Variants in GRM8 observed in about 807,000 individuals in gnomAD.
The protein encoded by GRM8 is glutamate metabotropic receptor 8.
GRM8 carries 47 observed loss-of-function variants against 87.2 expected under a neutral mutation model. The ratio of observed to expected loss-of-function variants is 0.54; its 90% CI spans 0.43 to 0.69. GRM8 has a LOEUF of 0.69. Ranked by LOEUF, GRM8 falls within the 30% of genes least tolerant of loss-of-function variation. The pLI is 0.00. For missense variants in GRM8, 1,019 were observed against 1,139.2 expected (o/e 0.89, Z 1.52); for synonymous variants, 396 against 404.5 (o/e 0.98, Z 0.25).
chr7:127,001,761 G>A (rs868589279), intron 3 of GRM8, among the ~76,000 whole-genome samples: 1 of 151,446 alleles, frequency 6.6e-6, no homozygotes. Context: ...ATTCATAGTA[G>A]CCACAAAACT....
intron 3 of GRM8, among the ~76,000 whole-genome samples, chr7:126,933,213 C>T (rs966623116): frequency 6.6e-6 from 1 of 152,208 alleles, no homozygotes; most frequent in Non-Finnish European, 1.5e-5. Flanking sequence ...TTATCTTCCT[C>T]TCCTCCAGAA....
chr7:126,669,800 T>C (rs751229989), intron 7 of GRM8, among the ~76,000 whole-genome samples: 5 of 152,244 alleles, frequency 3.3e-5, no homozygotes, highest in Admixed American at 2.6e-4. Context: ...CAGTAAAATG[T>C]GCTTTTTCTT....
intron 3 of GRM8, among the ~76,000 whole-genome samples, chr7:126,980,059 T>C (rs1811369134): frequency 6.6e-6 from 1 of 152,250 alleles, no homozygotes; most frequent in African/African-American, 2.4e-5. Context: ...CATCATGCGC[T>C]ACTGGACAGT....
intron 2 of GRM8, among the ~76,000 whole-genome samples, chr7:127,204,606 A>G (rs1334544054): frequency 2.0e-5 from 3 of 152,116 alleles, no homozygotes; most frequent in South Asian, 2.1e-4. Context: ...TATATTATTC[A>G]GTTCTATTGA....
At chr7:126,687,034 C>A (rs1808262800) in intron 7 of GRM8, among the ~76,000 whole-genome samples, 1 of 152,150 alleles carries the variant, frequency 6.6e-6, no homozygotes, top group South Asian at 2.1e-4. Flanking sequence ...ACAATACATA[C>A]ACAGAAAACT....
intron 9 of GRM8, among the ~76,000 whole-genome samples, chr7:126,448,197 CCAGT>C (rs1468853415): frequency 2.0e-5 from 3 of 151,782 alleles, no homozygotes; most frequent in Non-Finnish European, 4.4e-5. Flanking sequence ...TGTTCCAATG[CCAGT>C]CAAATAGAAA....
Position 127,131,448 on chromosome 7 carries a change from T to C in GRM8, c.511-24736A>G, listed in dbSNP as rs963150002. Among the ~76,000 whole-genome samples the C allele has an allele frequency of 8.5e-5, 13 of 152,174 alleles. 1 individual carries two copies. The highest frequency in any genetic ancestry group is 4.6e-4 in the Admixed American group (7 of 15,280). ...TTTGATTTTTGATATAAAGCCTCAA[T>C]CAATTTTTTAAACTATTTATCTGGA... On this transcript the variant is annotated intron_variant, in intron 2 of 10. Coordinates refer to ENST00000339582, the MANE Select transcript of GRM8 (RefSeq NM_000845.3).
chr7:126,694,138 A>C (rs575641554), intron 7 of GRM8, among the ~76,000 whole-genome samples: 5 of 150,648 alleles, frequency 3.3e-5, no homozygotes, highest in Middle Eastern at 3.5e-3. Flanking sequence ...TTATTAACTA[A>C]ATATAAATAG....
intron 2 of GRM8, among the ~76,000 whole-genome samples, chr7:127,201,832 A>G (rs1030174772): frequency 2.0e-5 from 3 of 152,240 alleles, no homozygotes; most frequent in African/African-American, 4.8e-5. Flanking sequence ...GAAGGAAAAG[A>G]AGTTATCATA....
intron 6 of GRM8, among the ~76,000 whole-genome samples, chr7:126,780,357 T>C (rs576056122): frequency 6.3e-4 from 96 of 152,246 alleles, no homozygotes; most frequent in African/African-American, 2.2e-3. Context: ...AGTATATATA[T>C]TAGACAATTA....
chr7:126,727,939 A>G (rs1784999206), intron 7 of GRM8, among the ~76,000 whole-genome samples: 1 of 152,216 alleles, frequency 6.6e-6, no homozygotes, highest in Non-Finnish European at 1.5e-5. Context: ...CACAATTAAT[A>G]TAAGATTACA....
chr7:126,833,107 C>T (rs892482572), intron 6 of GRM8, among the ~76,000 whole-genome samples: 1 of 152,138 alleles, frequency 6.6e-6, no homozygotes, highest in Non-Finnish European at 1.5e-5. Context: ...TCTTGGCTAG[C>T]CAAGGGCAAA....
intron 3 of GRM8, among the ~76,000 whole-genome samples, chr7:126,922,919 C>T (rs1166796252): frequency 6.6e-6 from 1 of 152,156 alleles, no homozygotes; most frequent in Non-Finnish European, 1.5e-5. Context: ...TAAAAGCTCC[C>T]TGAGGCCTCC....
At chr7:126,894,912 G>A (rs1448522326) in intron 6 of GRM8, among the ~76,000 whole-genome samples, 1 of 151,960 alleles carries the variant, frequency 6.6e-6, no homozygotes, top group Non-Finnish European at 1.5e-5. Context: ...AATCTCTAAG[G>A]ACCTCTTCAA....
intron 8 of GRM8, among the ~76,000 whole-genome samples, chr7:126,596,876 C>T (rs967547470): frequency 6.6e-6 from 1 of 152,060 alleles, no homozygotes; most frequent in African/African-American, 2.4e-5. Flanking sequence ...GTAAAAGGGA[C>T]ATGGAATCTT....
chr7:126,496,057 G>T (rs1808677425), intron 9 of GRM8, among the ~76,000 whole-genome samples: 1 of 151,958 alleles, frequency 6.6e-6, no homozygotes. Flanking sequence ...GCTACTTGAT[G>T]AATGTTAGGG....
At chr7:127,204,715 T>G (rs1435134031) in intron 2 of GRM8, among the ~76,000 whole-genome samples, 1 of 152,210 alleles carries the variant, frequency 6.6e-6, no homozygotes, top group African/African-American at 2.4e-5. Context: ...AACCCTGGCC[T>G]TTTTTAGTGC....
intron 6 of GRM8, among the ~76,000 whole-genome samples, chr7:126,851,948 A>G (rs777485187): frequency 6.6e-6 from 1 of 152,140 alleles, no homozygotes; most frequent in Admixed American, 6.6e-5. Flanking sequence ...AAGAGTACTC[A>G]GTACGTATTT....
chr7:126,732,440 TAA>T (rs1813708864), intron 7 of GRM8, among the ~76,000 whole-genome samples: 1 of 152,284 alleles, frequency 6.6e-6, no homozygotes, highest in South Asian at 2.1e-4. Flanking sequence ...AATTGTGCCT[TAA>T]GAGTTATTAG....
Sources: allele counts gnomAD v4.1 joint callset (sites outside exome capture counted in the v4.1 genomes callset), GRCh38; gene constraint gnomAD v4.1.1; transcripts MANE v1.5; gene names NCBI Gene and HGNC (gene_info 2026-07-23, HGNC 2026-07-21).